The following TEX30 variants were observed in gnomAD, a reference collection of about 807,000 sequenced individuals.
TEX30 encodes testis-expressed protein 30.
A neutral mutation model predicts 23.8 loss-of-function variants in TEX30; 14 were observed. That is an observed-to-expected ratio of 0.59 (90% CI 0.39 to 0.92). TEX30 has a LOEUF of 0.92. Ranked by LOEUF, TEX30 falls within the 40% of genes least tolerant of loss-of-function variation. The pLI is 0.00. For missense variants in TEX30, 246 were observed against 270.6 expected (o/e 0.91, Z 0.64); for synonymous variants, 78 against 90.2 (o/e 0.87, Z 0.76).
rs1327123300 is a variant in TEX30 at position 102,766,533 on chromosome 13, G to C, written c.552C>G (p.Ile184Met). The part of the protein sequence containing the change: ...VAQKMQAPHK[I>M]HWIEKANHSM... Reference sequence around the variant, plus strand: ...AATGATTTGCCTTCTCAATCCAGTGGATTTTATGGGGAGCTTGCATTTTCT... The same window carrying C: ...AATGATTTGCCTTCTCAATCCAGTGCATTTTATGGGGAGCTTGCATTTTCT... The change falls in exon 6 of 6, where the codon ATC becomes ATG. Residue 184 changes from isoleucine (I) to methionine (M), a missense_variant. Ile to Met is a conservative substitution (Grantham distance 10, BLOSUM62 1). Transcript: ENST00000376032. 1 of 1,613,512 alleles carries C rather than the reference G, an allele frequency of 6.2e-7. No homozygotes were observed. The highest frequency in any genetic ancestry group is 1.1e-5 in the South Asian group (1 of 90,964).
rs1876880565 is a variant in TEX30 at position 102,766,457 on chromosome 13, T to C, written c.628A>G (p.Thr210Ala). Residue 210 changes from threonine to alanine, a missense_variant, in exon 6 of 6, where the codon ACA becomes GCA. Thr to Ala is a moderately conservative substitution (Grantham distance 58, BLOSUM62 0). Coordinates refer to ENST00000376032, the MANE Select transcript of TEX30 (RefSeq NM_138779.5). ...TCTTGGATCCAAAACAAAATCTGTG[T>C]ATTTATTTCTTTGAAAACATCATTT... ...STNDVFKEIN[T>A]QILFWIQEIT... 6.2e-7 allele frequency: 1 copy of C among 1,614,070 alleles called. No homozygotes were observed.
chr13:102,768,144 AAAC>A (rs770727535), intron 4 of TEX30, 113 bp downstream of exon 4: 279 of 897,336 alleles, frequency 3.1e-4, no homozygotes, highest in Non-Finnish European at 4.4e-4. Context: ...TGACTTACCA[AAAC>A]AACAAAAAAA....
rs1470654 is a variant in TEX30, at chr13:102,768,330, C to A, written c.247-19G>T. Reference sequence around the variant, plus strand: ...GGTAATTCTAGAAAAATAAAAAAATCATCAGTTCTTCACCTATAAAATATT... The same window carrying A: ...GGTAATTCTAGAAAAATAAAAAAATAATCAGTTCTTCACCTATAAAATATT... On this transcript the variant is annotated intron_variant, in intron 3 of 5. Transcript: ENST00000376032. 0.21 allele frequency: 321,878 copies of A among 1,562,150 alleles called. 35,832 individuals are homozygous for A. The highest frequency in any genetic ancestry group is 0.45 in the East Asian group (19,418 of 43,630).
intron 1 of TEX30, 157 bp from the exon 2 acceptor site, chr13:102,770,243 T>C (rs1168302035): frequency 5.4e-6 from 2 of 373,090 alleles, no homozygotes; most frequent in Non-Finnish European, 9.5e-6. Flanking sequence ...GCACTCAGAA[T>C]TGGTTAGAGG....
chr13:102,767,727 A>G lies in TEX30; in HGVS notation c.299-249T>C, dbSNP rs1181294122. 2.0e-5 allele frequency among the ~76,000 whole-genome samples: 3 copies of G among 152,144 alleles called. No individual in the cohort carries two copies. The East Asian group carries it at 5.8e-4, about 29-fold the overall frequency. On this transcript the variant is annotated intron_variant, in intron 4 of 5. Coordinates refer to ENST00000376032, the MANE Select transcript of TEX30 (RefSeq NM_138779.5). Reference sequence around the variant, plus strand: ...CAAGAGTTTGAGACCAGCCTGACCAACATGGCAAAACCCTATCTCTACTAA... The same window carrying G: ...CAAGAGTTTGAGACCAGCCTGACCAGCATGGCAAAACCCTATCTCTACTAA...
intron 1 of TEX30, among the ~76,000 whole-genome samples, chr13:102,771,562 A>T (rs1877324507): frequency 6.6e-6 from 1 of 151,972 alleles, no homozygotes; most frequent in South Asian, 2.1e-4. Flanking sequence ...GAATTCTCTT[A>T]TTTCAGCCTG....
rs1346938914 is a variant in TEX30 at position 102,766,152 on chromosome 13, AACTAT to A, written c.*244_*248del. 16 of 253,252 alleles carry A rather than the reference AACTAT, an allele frequency of 6.3e-5. No individual in the cohort carries two copies. In the East Asian group the frequency reaches 1.1e-3, roughly 17 times the overall value. The allele number at this position is 253,252 out of a possible 1,614,324, so 15.7% of individuals were successfully genotyped here. On this transcript the variant is annotated 3_prime_UTR_variant, in exon 6 of 6. Coordinates refer to ENST00000376032, the MANE Select transcript of TEX30 (RefSeq NM_138779.5). ...AGATGTTTAATTTTTTTCAAAACTTAACTATACTAATGAAAATAAATTATATGTAG... is the reference window on the plus strand; with the variant it reads ...AGATGTTTAATTTTTTTCAAAACTTAACTAATGAAAATAAATTATATGTAG...
In TEX30 at chr13:102,766,378, A is replaced by G. The variant is rs8054; in HGVS notation, c.*23T>C. 0.23 allele frequency: 364,256 copies of G among 1,597,304 alleles called. 47,294 individuals are homozygous for G. Among genetic ancestry groups the G allele is most frequent in the East Asian group, 0.54 (24,180 of 44,666 alleles). On this transcript the variant is annotated 3_prime_UTR_variant, in exon 6 of 6. Coordinates refer to ENST00000376032, the MANE Select transcript of TEX30 (RefSeq NM_138779.5). ...TCTTTATCAAATTAACTGTATGTGT[A>G]CTCAAGATAACATGGCTTTTAACTA...
At chr13:102,769,137 A>G (rs1198300545) in intron 3 of TEX30, among the ~76,000 whole-genome samples, 174 bp downstream of exon 3, 2 of 152,216 alleles carry the variant, frequency 1.3e-5, no homozygotes, top group Non-Finnish European at 2.9e-5. Context: ...ATGGAAACTG[A>G]TGACAAGGGA....
At chr13:102,770,249 A>G in intron 1 of TEX30, 163 bp from the exon 2 acceptor site, 1 of 368,896 alleles carries the variant, frequency 2.7e-6, no homozygotes, top group Non-Finnish European at 4.8e-6. Flanking sequence ...AGAATTGGTT[A>G]GAGGGCCAGG....
At chr13:102,767,804 T>G (rs1427097628) in intron 4 of TEX30, among the ~76,000 whole-genome samples, 1 of 151,948 alleles carries the variant, frequency 6.6e-6, no homozygotes, top group Non-Finnish European at 1.5e-5. Context: ...TCCCAGCTAC[T>G]TGGGAGGCTG....
intron 2 of TEX30, 89 bp from the exon 3 acceptor site, chr13:102,769,630 C>T (rs1877173890): frequency 2.6e-6 from 2 of 775,526 alleles, no homozygotes; most frequent in Non-Finnish European, 4.1e-6. Flanking sequence ...CTCTGTGAGG[C>T]TCATAATTCA....
intron 2 of TEX30, 163 bp from the exon 3 acceptor site, chr13:102,769,704 G>A: frequency 1.8e-6 from 1 of 567,814 alleles, no homozygotes; most frequent in South Asian, 2.6e-5. Context: ...TACTGTGTCG[G>A]GTATTATTAT....
chr13:102,767,512 T>C (rs780250522), intron 4 of TEX30, 34 bp from the exon 5 acceptor site: 4 of 1,603,140 alleles, frequency 2.5e-6, no homozygotes, highest in East Asian at 2.3e-5. Flanking sequence ...CAGTTTGAAA[T>C]ATAAACTTTC....
At chr13:102,770,332 T>C (rs1877235616) in intron 1 of TEX30, 1 of 242,618 alleles carries the variant, frequency 4.1e-6, no homozygotes, top group African/African-American at 2.2e-5. Context: ...AGGTAATTCA[T>C]ATCAAAGTAG....
intron 5 of TEX30, 55 bp downstream of exon 5, chr13:102,767,218 G>A (rs1876949494): frequency 6.4e-7 from 1 of 1,557,062 alleles, no homozygotes; most frequent in Non-Finnish European, 8.8e-7. Flanking sequence ...TTGCTCCCAA[G>A]ATATGTCTGC....
In TEX30 at chr13:102,769,487, G is replaced by T. The variant is rs557041511; in HGVS notation, c.70C>A (p.Pro24Thr). 6 of 1,608,704 alleles carry T rather than the reference G, an allele frequency of 3.7e-6. No individual in the cohort carries two copies. The East Asian group carries it at 1.1e-4, about 30-fold the overall frequency. Residue 24 changes from proline (P) to threonine (T), a missense_variant, in exon 3 of 6, where the codon CCT (proline) becomes ACT (threonine). Pro to Thr is a conservative substitution (Grantham distance 38). Transcript: ENST00000376032. Reference sequence around the variant, plus strand: ...ATTCCATATGTTAAGCTCTTGTTAGGTACCAAACAAACAGCATCTAGTAAT... The same window carrying T: ...ATTCCATATGTTAAGCTCTTGTTAGTTACCAAACAAACAGCATCTAGTAAT... ...NKLLDAVCLVPNKSLTYGIIL... is the reference protein window; with the variant it reads ...NKLLDAVCLVTNKSLTYGIIL...
chr13:102,767,603 A>G, intron 4 of TEX30, 125 bp from the exon 5 acceptor site: 1 of 1,033,684 alleles, frequency 9.7e-7, no homozygotes, highest in South Asian at 1.6e-5. Context: ...TAACTCCAAA[A>G]GGCAGCAATT....
chr13:102,769,527 T>C lies in TEX30; in HGVS notation c.30A>G (p.Ile10Met), dbSNP rs1877163621. Residue 10 changes from isoleucine to methionine, a missense_variant, in exon 3 of 6, where the codon ATA (isoleucine) becomes ATG (methionine). Ile to Met is a conservative substitution (Grantham distance 10). Transcript: ENST00000376032. MSHTEVKLK[I>M]PFGNKLLDAV... ...CATCTAGTAATTTATTTCCAAAAGGTATTTTTAATTTAACCTGGAATTCAA... is the reference window on the plus strand; with the variant it reads ...CATCTAGTAATTTATTTCCAAAAGGCATTTTTAATTTAACCTGGAATTCAA... 1.9e-6 allele frequency: 3 copies of C among 1,585,866 alleles called. No individual in the cohort carries two copies. Among genetic ancestry groups the C allele is most frequent in the African/African-American group, 1.4e-5 (1 of 73,344 alleles).
Sources: gnomAD v4.1 joint callset for allele counts (sites outside exome capture counted in the v4.1 genomes callset) on GRCh38, gnomAD v4.1.1 for gene constraint, MANE v1.5 for transcripts, NCBI Gene and HGNC (gene_info 2026-07-23, HGNC 2026-07-21) for gene names.